HS3ST5: variants seen among roughly 807,000 people sequenced by gnomAD.
The protein encoded by HS3ST5 is heparan sulfate glucosamine 3-O-sulfotransferase 5.
In HS3ST5, 10 loss-of-function variants were observed where a neutral mutation model predicts 25.4. The observed-to-expected ratio is 0.39, with a 90% CI of 0.24 to 0.67. The LOEUF (loss-of-function observed/expected upper bound fraction) is 0.67, where lower values mean the gene tolerates loss of function less well. Ranked by LOEUF, HS3ST5 falls within the 30% of genes least tolerant of loss-of-function variation. HS3ST5 has a pLI of 0.44. For synonymous variants in HS3ST5, 170 were observed against 162.4 expected, an observed-to-expected ratio of 1.05 and a Z score of -0.36; for missense variants, 324 against 420.7, an observed-to-expected ratio of 0.77 and a Z score of 2.01.
At chr6:114,341,653 T>G (rs1270102373) in intron 1 of HS3ST5, among the ~76,000 whole-genome samples, 4 of 143,910 alleles carry the variant, frequency 2.8e-5, no homozygotes, top group African/African-American at 1.0e-4. Flanking sequence ...GTGAGGGGTG[T>G]GGGGGGGGCC....
At chr6:114,129,251 CT>C (rs398048772) in intron 3 of HS3ST5, among the ~76,000 whole-genome samples, 11,864 of 97,564 alleles carry the variant, frequency 0.12, 301 homozygotes, top group Non-Finnish European at 0.15. Context: ...CAACAAGAAC[CT>C]TTTTTTTTTT....
At chr6:114,203,004 GT>G (rs1307974050) in intron 2 of HS3ST5, among the ~76,000 whole-genome samples, 1 of 152,168 alleles carries the variant, frequency 6.6e-6, no homozygotes, top group Non-Finnish European at 1.5e-5. Context: ...CAACTCTCTT[GT>G]TTTGTAATCA....
At chr6:114,077,286 T>C (rs963642252) in intron 3 of HS3ST5, among the ~76,000 whole-genome samples, 10 of 152,150 alleles carry the variant, frequency 6.6e-5, no homozygotes, top group African/African-American at 2.4e-4. Flanking sequence ...AGAAAAAATA[T>C]GGGAACTGAA....
At position 114,144,732 on chromosome 6, in the gene HS3ST5, CA is replaced by C. The variant is rs1176640790; in HGVS notation, c.-33+23618del. ...AACTGGGCACTAATCTTAGCTCTGA[CA>C]CTTACTAGCTAGGTCATCTGAACCA... On this transcript the variant is annotated intron_variant, in intron 3 of 4. Transcript: ENST00000312719. Among the ~76,000 whole-genome samples the C allele has an allele frequency of 4.6e-5, 7 of 152,340 alleles. No individual in the cohort carries two copies. The South Asian group carries it at 1.5e-3, about 32-fold the overall frequency.
At chr6:114,198,581 C>T (rs1022412560) in intron 2 of HS3ST5, among the ~76,000 whole-genome samples, 7 of 152,148 alleles carry the variant, frequency 4.6e-5, no homozygotes, top group Admixed American at 2.6e-4. Context: ...TTCTACACAT[C>T]GGCAGAGCTG....
intron 3 of HS3ST5, among the ~76,000 whole-genome samples, chr6:114,074,617 T>C (rs1774012484): frequency 6.6e-6 from 1 of 152,154 alleles, no homozygotes; most frequent in Admixed American, 6.6e-5. Context: ...ATCCTTTTCT[T>C]TCTCTTTTTG....
At chr6:114,311,030 C>T (rs1775506794) in intron 1 of HS3ST5, among the ~76,000 whole-genome samples, 1 of 152,154 alleles carries the variant, frequency 6.6e-6, no homozygotes, top group African/African-American at 2.4e-5. Flanking sequence ...AGAAACGTAA[C>T]TACCAATTTT....
chr6:114,232,123 C>T (rs1175552537), intron 1 of HS3ST5, among the ~76,000 whole-genome samples: 1 of 152,088 alleles, frequency 6.6e-6, no homozygotes, highest in African/African-American at 2.4e-5. Context: ...TCATTTTACT[C>T]ATCTCTCGTA....
chr6:114,278,040 C>T (rs924729707), intron 1 of HS3ST5, among the ~76,000 whole-genome samples: 1 of 151,892 alleles, frequency 6.6e-6, no homozygotes, highest in Non-Finnish European at 1.5e-5. Context: ...TTTGAGGGGG[C>T]AGGTTAGTGG....
At chr6:114,097,172 A>T (rs1368450842) in intron 3 of HS3ST5, among the ~76,000 whole-genome samples, 1 of 152,010 alleles carries the variant, frequency 6.6e-6, no homozygotes, top group African/African-American at 2.4e-5. Flanking sequence ...TGAAATATGT[A>T]TCTCTATACA....
chr6:114,069,643 C>T (rs1773679503), intron 3 of HS3ST5, among the ~76,000 whole-genome samples: 1 of 151,636 alleles, frequency 6.6e-6, no homozygotes, highest in South Asian at 2.1e-4. Flanking sequence ...CTCAGCCTCT[C>T]GAGTAGCTGG....
chr6:114,279,678 T>G (rs1335347001), intron 1 of HS3ST5, among the ~76,000 whole-genome samples: 1 of 151,954 alleles, frequency 6.6e-6, no homozygotes, highest in Admixed American at 6.6e-5. Flanking sequence ...ATGGCTGGAT[T>G]TACCTTGAAA....
intron 1 of HS3ST5, among the ~76,000 whole-genome samples, chr6:114,336,268 T>C (rs1163117115): frequency 6.6e-6 from 1 of 152,234 alleles, no homozygotes; most frequent in African/African-American, 2.4e-5. Flanking sequence ...GATTATCATA[T>C]GGATATCAAT....
intron 3 of HS3ST5, among the ~76,000 whole-genome samples, chr6:114,093,187 T>C (rs1472077655): frequency 6.6e-6 from 1 of 152,102 alleles, no homozygotes; most frequent in Non-Finnish European, 1.5e-5. Flanking sequence ...CATGCACCAG[T>C]CTGCCTGAAC....
chr6:114,119,974 G>A lies in HS3ST5; in HGVS notation c.-33+48377C>T, dbSNP rs181046768. ...GGCCTGGCCAACGTGATGAAACCCCGTCTCTACCAAAAATACAAAAATTAC... is the reference window on the plus strand; with the variant it reads ...GGCCTGGCCAACGTGATGAAACCCCATCTCTACCAAAAATACAAAAATTAC... On this transcript the variant is annotated intron_variant, in intron 3 of 4. Transcript: ENST00000312719. Among the ~76,000 whole-genome samples the A allele has an allele frequency of 3.9e-4, 60 of 152,152 alleles. 1 individual carries two copies. Among genetic ancestry groups the A allele is most frequent in the Admixed American group, 3.1e-3 (47 of 15,268 alleles).
chr6:114,297,579 T>C (rs1774882409), intron 1 of HS3ST5, among the ~76,000 whole-genome samples: 1 of 152,234 alleles, frequency 6.6e-6, no homozygotes, highest in African/African-American at 2.4e-5. Context: ...AATTTACCCA[T>C]ATCTAATGAA....
chr6:114,257,891 C>T (rs1773003487), intron 1 of HS3ST5, among the ~76,000 whole-genome samples: 1 of 152,018 alleles, frequency 6.6e-6, no homozygotes, highest in African/African-American at 2.4e-5. Flanking sequence ...CATGTGCTAC[C>T]ACACTTGGCT....
At chr6:114,125,645 A>T (rs1777001996) in intron 3 of HS3ST5, among the ~76,000 whole-genome samples, 1 of 152,222 alleles carries the variant, frequency 6.6e-6, no homozygotes, top group Admixed American at 6.5e-5. Flanking sequence ...CACTAAGACA[A>T]CAAACAGCAT....
chr6:114,235,339 T>G (rs1034192158), intron 1 of HS3ST5, among the ~76,000 whole-genome samples: 1 of 151,834 alleles, frequency 6.6e-6, no homozygotes, highest in African/African-American at 2.4e-5. Context: ...ATTTAAAAAA[T>G]TTCCCAAGGA....
Sources: allele counts gnomAD v4.1 joint callset (sites outside exome capture counted in the v4.1 genomes callset), GRCh38; gene constraint gnomAD v4.1.1; transcripts MANE v1.5; gene names NCBI Gene and HGNC (gene_info 2026-07-23, HGNC 2026-07-21).